The following FERRY3 variants were observed in gnomAD, a reference collection of about 807,000 sequenced individuals.
FERRY3 encodes FERRY endosomal RAB5 effector complex subunit 3, also known as protein C12orf4.
the FERRY3 span, among the ~76,000 whole-genome samples, chr12:4,504,840 C>A: frequency 6.6e-6 from 1 of 152,098 alleles, no homozygotes; most frequent in Non-Finnish European, 1.5e-5. Flanking sequence ...TGGTGGCTCA[C>A]GCTTGTAATC....
At chr12:4,529,024 TTAAA>T in the FERRY3 span, among the ~76,000 whole-genome samples, 1 of 151,904 alleles carries the variant, frequency 6.6e-6, no homozygotes, top group Non-Finnish European at 1.5e-5. Flanking sequence ...ACCCAATGTC[TTAAA>T]TAAGTGTTTT....
the FERRY3 span, among the ~76,000 whole-genome samples, chr12:4,502,960 AC>A: frequency 1.3e-5 from 2 of 152,334 alleles, no homozygotes. The surrounding 1 kb of genome is among the most constrained non-coding windows in gnomAD (Gnocchi z 4.2). Flanking sequence ...GCAACAAAAG[AC>A]ACAGACTGCT....
chr12:4,529,177 G>T, the FERRY3 span, among the ~76,000 whole-genome samples: 4 of 152,038 alleles, frequency 2.6e-5, no homozygotes. Flanking sequence ...AATAAATAAT[G>T]CTAGAAGTTT....
the FERRY3 span, among the ~76,000 whole-genome samples, chr12:4,501,711 T>C: frequency 6.6e-6 from 1 of 152,296 alleles, no homozygotes; most frequent in South Asian, 2.1e-4. Flanking sequence ...CCACTGATTC[T>C]ATATTACAGT....
the FERRY3 span, among the ~76,000 whole-genome samples, chr12:4,504,404 C>CT: frequency 6.6e-6 from 1 of 151,960 alleles, no homozygotes; most frequent in Admixed American, 6.6e-5. Flanking sequence ...GATACAAACA[C>CT]TAAGGGTCAT....
chr12:4,527,369 A>AAGAT, the FERRY3 span, among the ~76,000 whole-genome samples: 2 of 152,328 alleles, frequency 1.3e-5, no homozygotes, highest in South Asian at 4.1e-4. Context: ...TTCTATGATT[A>AAGAT]AGATAGAAGA....
At chr12:4,490,330 G>A in the FERRY3 span, among the ~76,000 whole-genome samples, 1 of 152,168 alleles carries the variant, frequency 6.6e-6, no homozygotes, top group African/African-American at 2.4e-5. Context: ...AATCCCTTGA[G>A]TGGTAGATGC....
chr12:4,537,381 C>G, the FERRY3 span, among the ~76,000 whole-genome samples: 1 of 152,180 alleles, frequency 6.6e-6, no homozygotes, highest in Non-Finnish European at 1.5e-5. Context: ...ATTTCTTACT[C>G]TTGGCTAGAA....
the FERRY3 span, among the ~76,000 whole-genome samples, chr12:4,500,603 A>T: frequency 6.6e-6 from 1 of 152,158 alleles, no homozygotes; most frequent in Non-Finnish European, 1.5e-5. Context: ...AATAAATCAA[A>T]TGAGTACTCA....
the FERRY3 span, chr12:4,525,152 CAAATT>C: frequency 7.2e-7 from 1 of 1,390,638 alleles, no homozygotes; most frequent in Non-Finnish European, 9.7e-7. Flanking sequence ...CTTTCACTAG[CAAATT>C]AAAAAGACAT....
chr12:4,534,048 T>G, the FERRY3 span: 126 of 1,188,256 alleles, frequency 1.1e-4, no homozygotes, highest in Non-Finnish European at 1.3e-4. Context: ...GAATATTGTA[T>G]GTGGAGAAAA....
chr12:4,510,574 G>C, the FERRY3 span, among the ~76,000 whole-genome samples: 727 of 150,312 alleles, frequency 4.8e-3, 12 homozygotes, highest in African/African-American at 0.017. Flanking sequence ...AGCCAGAAGA[G>C]AGTGGGGGCC....
At chr12:4,512,294 C>T in the FERRY3 span, among the ~76,000 whole-genome samples, 21 of 149,872 alleles carry the variant, frequency 1.4e-4, no homozygotes, top group African/African-American at 4.4e-4. Context: ...GATTCACAGC[C>T]GAATTCTACC....
the FERRY3 span, chr12:4,529,785 TA>T: frequency 8.4e-7 from 1 of 1,190,696 alleles, no homozygotes; most frequent in Non-Finnish European, 1.2e-6. Context: ...ATCCTTTTTG[TA>T]AAAAATAAAA....
chr12:4,538,144 C>T, the FERRY3 span, among the ~76,000 whole-genome samples: 2 of 152,176 alleles, frequency 1.3e-5, no homozygotes, highest in African/African-American at 4.8e-5. Flanking sequence ...TCTCCTCTCG[C>T]TCTTTTTTTA....
At chr12:4,524,731 T>C in the FERRY3 span, among the ~76,000 whole-genome samples, 1 of 152,168 alleles carries the variant, frequency 6.6e-6, no homozygotes, top group African/African-American at 2.4e-5. Flanking sequence ...TAAGGGAATA[T>C]GTGAAATACA....
At chr12:4,532,151 G>A in the FERRY3 span, among the ~76,000 whole-genome samples, 1 of 147,570 alleles carries the variant, frequency 6.8e-6, no homozygotes, top group Non-Finnish European at 1.5e-5. Flanking sequence ...ATGTGTGGCC[G>A]AAGACAATTC....
At chr12:4,513,586 G>T in the FERRY3 span, among the ~76,000 whole-genome samples, 1 of 151,696 alleles carries the variant, frequency 6.6e-6, no homozygotes, top group Non-Finnish European at 1.5e-5. Context: ...CAGAAATAAC[G>T]CCACATATCT....
At chr12:4,495,194 A>G in the FERRY3 span, among the ~76,000 whole-genome samples, 1 of 152,214 alleles carries the variant, frequency 6.6e-6, no homozygotes, top group Non-Finnish European at 1.5e-5. Context: ...TAATTTCATT[A>G]AGGACCTACT....
Sources: gnomAD v4.1 joint callset for allele counts (sites outside exome capture counted in the v4.1 genomes callset) on GRCh38, gnomAD v4.1.1 for gene constraint, Gnocchi (gnomAD v3.1) non-coding constraint, MANE v1.5 for transcripts, NCBI Gene and HGNC (gene_info 2026-07-23, HGNC 2026-07-21) for gene names.